PVT1: variants seen among roughly 807,000 people sequenced by gnomAD.
PVT1 encodes the protein Pvt1 oncogene.
At chr8:128,072,122 G>A (rs1029732227) in intron 5 of PVT1, among the ~76,000 whole-genome samples, 1 of 152,170 alleles carries the variant, frequency 6.6e-6, no homozygotes, top group Non-Finnish European at 1.5e-5. Context: ...TTATTAAGTA[G>A]CAGGGCCATG....
intron 2 of PVT1, among the ~76,000 whole-genome samples, chr8:127,842,410 G>C (rs1814984167): frequency 6.6e-6 from 1 of 151,834 alleles, no homozygotes; most frequent in Non-Finnish European, 1.5e-5. Flanking sequence ...GTGCGCTACC[G>C]CACCAGGCTA....
chr8:127,915,612 C>CAAAAAAAA (rs61238663), intron 3 of PVT1, among the ~76,000 whole-genome samples: 9 of 64,492 alleles, frequency 1.4e-4, no homozygotes, highest in African/African-American at 4.4e-4. Context: ...AACTCCATCT[C>CAAAAAAAA]AAAAAAAAAA....
At chr8:127,863,223 T>C (rs1392418035) in intron 2 of PVT1, among the ~76,000 whole-genome samples, 5 of 152,098 alleles carry the variant, frequency 3.3e-5, no homozygotes, top group Admixed American at 3.3e-4. Flanking sequence ...GCAATTATCC[T>C]GCTTCAGCCT....
At chr8:127,993,176 G>C (rs1468418271) in intron 4 of PVT1, among the ~76,000 whole-genome samples, 2 of 152,188 alleles carry the variant, frequency 1.3e-5, no homozygotes, top group African/African-American at 4.8e-5. Context: ...AAAACATGAG[G>C]GTAATTGCAG....
chr8:127,801,580 C>T (rs959389392), intron 2 of PVT1, among the ~76,000 whole-genome samples: 5 of 152,140 alleles, frequency 3.3e-5, no homozygotes, highest in African/African-American at 7.2e-5. Flanking sequence ...TTTGATCTGA[C>T]TTGGCTTTTG....
intron 3 of PVT1, among the ~76,000 whole-genome samples, chr8:127,944,690 C>T (rs1161093026): frequency 6.6e-6 from 1 of 152,070 alleles, no homozygotes; most frequent in Admixed American, 6.5e-5. Flanking sequence ...GAGGAGGATG[C>T]CAGTGGGAAG....
intron 3 of PVT1, among the ~76,000 whole-genome samples, chr8:127,912,585 T>C (rs1815912667): frequency 6.6e-6 from 1 of 152,192 alleles, no homozygotes; most frequent in African/African-American, 2.4e-5. Flanking sequence ...ATTATCCCTA[T>C]TGTGATAGAG....
chr8:127,853,179 A>G (rs952770483), intron 2 of PVT1, among the ~76,000 whole-genome samples: 5 of 152,164 alleles, frequency 3.3e-5, no homozygotes, highest in African/African-American at 7.2e-5. Flanking sequence ...GAGAATTCCT[A>G]TAATGCAATC....
At chr8:128,051,836 T>C (rs1199999755) in intron 4 of PVT1, among the ~76,000 whole-genome samples, 1 of 152,332 alleles carries the variant, frequency 6.6e-6, no homozygotes, top group Admixed American at 6.5e-5. Context: ...TGTTTATGTA[T>C]TGTTTTTCTG....
At chr8:128,059,012 C>G (rs1813798088) in intron 4 of PVT1, among the ~76,000 whole-genome samples, 2 of 152,092 alleles carry the variant, frequency 1.3e-5, no homozygotes. Flanking sequence ...TTGTGCAACA[C>G]ACATCTCAGA....
chr8:127,813,970 A>T (rs1201544332), intron 2 of PVT1, among the ~76,000 whole-genome samples: 1 of 152,128 alleles, frequency 6.6e-6, no homozygotes, highest in African/African-American at 2.4e-5. Flanking sequence ...TTTAATAGAG[A>T]CGGGGTTTCG....
intron 4 of PVT1, among the ~76,000 whole-genome samples, chr8:128,012,650 AC>A (rs921628026): frequency 6.6e-6 from 1 of 152,082 alleles, no homozygotes; most frequent in African/African-American, 2.4e-5. Flanking sequence ...ATCTAGGGAA[AC>A]AGTAGTCAAA....
chr8:127,962,209 C>T (rs1056412662), intron 3 of PVT1, among the ~76,000 whole-genome samples: 11 of 151,542 alleles, frequency 7.3e-5, no homozygotes, highest in African/African-American at 2.7e-4. Flanking sequence ...TCGTGATCCA[C>T]CTGCCTTGGC....
intron 4 of PVT1, among the ~76,000 whole-genome samples, chr8:128,031,835 A>G (rs1813393893): frequency 6.6e-6 from 1 of 152,254 alleles, no homozygotes; most frequent in Admixed American, 6.5e-5. Context: ...AAGATCTCAC[A>G]GCACATGAGA....
In PVT1 at chr8:127,994,372, A is replaced by T. The variant is rs146477858; in HGVS notation, n.912+5081A>T. Among the ~76,000 whole-genome samples the T allele has an allele frequency of 4.1e-3, 625 of 152,284 alleles. 3 individuals carry two copies. The highest frequency in any genetic ancestry group is 0.014 in the African/African-American group (562 of 41,568). On this transcript the variant is annotated intron_variant and non_coding_transcript_variant, in intron 4 of 10. Transcript: ENST00000651587. The stretch of plus-strand genomic sequence containing the variant: ...CCCAGCACCTTGTGTGGTGACTGGC[A>T]GGAGGTAGCCATTCCCTCCTGTCCT...
intron 5 of PVT1, among the ~76,000 whole-genome samples, chr8:128,084,347 G>A (rs544510292): frequency 3.9e-5 from 6 of 152,200 alleles, no homozygotes; most frequent in South Asian, 2.1e-4. Flanking sequence ...TTGCACATAC[G>A]ATTTTCCTTT....
chr8:128,085,455 T>C (rs951450574), intron 5 of PVT1, among the ~76,000 whole-genome samples: 1 of 151,878 alleles, frequency 6.6e-6, no homozygotes, highest in African/African-American at 2.4e-5. Flanking sequence ...CCACCTTAAC[T>C]CTTCCTCCTA....
At chr8:127,844,312 C>A (rs1815006959) in intron 2 of PVT1, among the ~76,000 whole-genome samples, 1 of 152,166 alleles carries the variant, frequency 6.6e-6, no homozygotes, top group African/African-American at 2.4e-5. Context: ...ATTGCAGCCT[C>A]ATAATGGGTC....
chr8:127,848,435 G>A (rs1815063621), intron 2 of PVT1, among the ~76,000 whole-genome samples: 2 of 152,126 alleles, frequency 1.3e-5, no homozygotes, highest in Admixed American at 6.5e-5. Context: ...TGTAATCCCA[G>A]CACTTTGGGA....
Sources: gnomAD v4.1 joint callset for allele counts (sites outside exome capture counted in the v4.1 genomes callset) on GRCh38, gnomAD v4.1.1 for gene constraint, MANE v1.5 for transcripts, NCBI Gene and HGNC (gene_info 2026-07-23, HGNC 2026-07-21) for gene names.